The following PKD2 variants were observed in gnomAD, a reference collection of about 807,000 sequenced individuals.
PKD2 encodes polycystin-2.
A neutral mutation model predicts 105.9 loss-of-function variants in PKD2; 48 were observed. That is an observed-to-expected ratio of 0.45 (90% CI 0.36 to 0.58). PKD2 has a LOEUF of 0.58. PKD2 is among the 20% of genes least tolerant of loss of function. The pLI, the probability that PKD2 is intolerant of heterozygous loss-of-function variation, is 0.00. For missense variants in PKD2, 1,078 were observed against 1,255.3 expected, an observed-to-expected ratio of 0.86 and a Z score of 2.13; for synonymous variants, 464 against 481.1, an observed-to-expected ratio of 0.96 and a Z score of 0.46.
rs546545777 is a variant in PKD2, at chr4:88,016,442, C to G, written c.596-3016C>G. Reference sequence around the variant, plus strand: ...GAGTGTCACCAATTTGCACATGATTCCATCCTTAACCATTCTTATCCTATC... The same window carrying G: ...GAGTGTCACCAATTTGCACATGATTGCATCCTTAACCATTCTTATCCTATC... On this transcript the variant is annotated intron_variant, in intron 1 of 14. Transcript: ENST00000237596. 4.6e-5 allele frequency among the ~76,000 whole-genome samples: 7 copies of G among 152,250 alleles called. No homozygotes were observed. The South Asian group carries it at 1.5e-3, about 32-fold the overall frequency.
At chr4:88,019,434 C>T in intron 1 of PKD2, 24 bp from the exon 2 acceptor site, 1 of 1,154,894 alleles carries the variant, frequency 8.7e-7, no homozygotes, top group Non-Finnish European at 1.3e-6. Flanking sequence ...GATATCTTTT[C>T]TTTTCTTCAT....
chr4:88,026,979 G>A (rs1726981621), intron 2 of PKD2, among the ~76,000 whole-genome samples: 1 of 152,252 alleles, frequency 6.6e-6, no homozygotes, highest in South Asian at 2.1e-4. Context: ...TTCAGAGGAT[G>A]TATGGAAACA....
chr4:88,053,314 A>C (rs1021720983), intron 7 of PKD2, among the ~76,000 whole-genome samples: 2 of 152,118 alleles, frequency 1.3e-5, no homozygotes, highest in Non-Finnish European at 1.5e-5. Context: ...CTTACCCGTT[A>C]TGTACTTTTC....
intron 13 of PKD2, among the ~76,000 whole-genome samples, chr4:88,072,444 C>T (rs927974750): frequency 6.6e-6 from 1 of 152,204 alleles, no homozygotes; most frequent in Non-Finnish European, 1.5e-5. Flanking sequence ...TCTTTAATTT[C>T]CTCACGCTTC....
rs528531194 is a variant in PKD2, at chr4:88,062,446, C to T, written c.2118+442C>T. Reference sequence around the variant, plus strand: ...AAACACTTAGTAGTTCACCCTTTACCCTTGACCTTCCACGGCAGTTTTAAA... The same window carrying T: ...AAACACTTAGTAGTTCACCCTTTACTCTTGACCTTCCACGGCAGTTTTAAA... On this transcript the variant is annotated intron_variant, in intron 10 of 14. Coordinates refer to ENST00000237596, the MANE Select transcript of PKD2 (RefSeq NM_000297.4). Among the ~76,000 whole-genome samples, 5 of 152,232 alleles carry T rather than the reference C, an allele frequency of 3.3e-5. No homozygotes were observed. The South Asian group carries it at 1.0e-3, about 32-fold the overall frequency.
intron 11 of PKD2, 65 bp from the exon 12 acceptor site, chr4:88,065,697 C>A: frequency 7.8e-7 from 1 of 1,284,834 alleles, no homozygotes; most frequent in Non-Finnish European, 1.1e-6. Flanking sequence ...ATTTTGATGT[C>A]TCTGTGTTGA....
chr4:88,074,896 T>C lies in PKD2; in HGVS notation c.2607T>C (p.Ile869=). 2 of 1,614,096 alleles carry C rather than the reference T, an allele frequency of 1.2e-6. No homozygotes were observed. Residue 869 remains isoleucine, a synonymous_variant, in exon 14 of 15, where the codon ATT becomes ATC. Transcript: ENST00000237596. ...KIDAVIVKLE[I]MERAKLKRRE... ...ACGCCGTGATCGTGAAGCTAGAGAT[T>C]ATGGAGCGAGCCAAACTGAAGAGGA...
intron 2 of PKD2, among the ~76,000 whole-genome samples, chr4:88,031,217 C>A (rs909570138): frequency 2.0e-5 from 3 of 152,178 alleles, no homozygotes; most frequent in Non-Finnish European, 4.4e-5. Context: ...GTATTCTAAA[C>A]ATGTTTAAGG....
chr4:88,041,332 C>T (rs1727556794), intron 4 of PKD2, among the ~76,000 whole-genome samples: 1 of 152,142 alleles, frequency 6.6e-6, no homozygotes, highest in South Asian at 2.1e-4. Flanking sequence ...GGCCTCATTA[C>T]CTCTTGGTTA....
At position 88,056,238 on chromosome 4, in the gene PKD2, C is replaced by G. The variant is rs148228357; in HGVS notation, c.1869C>G (p.Val623=). 201 of 1,612,510 alleles carry G rather than the reference C, an allele frequency of 1.2e-4. No homozygotes were observed. The highest frequency in any genetic ancestry group is 1.6e-4 in the Non-Finnish European group (191 of 1,178,868). ...CATACCTTGTCTTTGGCACTCAGGTCGATGACTTCAGTACTTTCCAAGAGT... is the reference window on the plus strand; with the variant it reads ...CATACCTTGTCTTTGGCACTCAGGTGGATGACTTCAGTACTTTCCAAGAGT... The part of the protein sequence containing the change: ...QLAYLVFGTQ[V]DDFSTFQECI... The change falls in exon 8 of 15, where the codon GTC becomes GTG. Residue 623 remains valine, a synonymous_variant. Transcript: ENST00000237596.
intron 2 of PKD2, among the ~76,000 whole-genome samples, chr4:88,021,184 G>GT (rs1193493109): frequency 6.6e-6 from 1 of 152,184 alleles, no homozygotes; most frequent in Non-Finnish European, 1.5e-5. Context: ...ACCCCTGTAC[G>GT]TAAGTCTAGA....
rs766231566 is a variant in PKD2, at chr4:88,075,607, C to T, written c.2820C>T (p.Arg940=). 1 of 1,614,018 alleles carries T rather than the reference C, an allele frequency of 6.2e-7. No individual in the cohort carries two copies. Among genetic ancestry groups the T allele is most frequent in the Admixed American group, 1.7e-5 (1 of 59,998 alleles). ...CAGTGGGACTAAATGGTCAACCTCG[C>T]CCCAGAAGCTCCCGCCCATCTTCCT... ...GTPVGLNGQP[R]PRSSRPSSSQ... The change falls in exon 15 of 15, where the codon CGC becomes CGT. Residue 940 remains arginine (R), a synonymous_variant. Coordinates refer to ENST00000237596, the MANE Select transcript of PKD2 (RefSeq NM_000297.4).
chr4:88,021,412 G>A (rs1726742914), intron 2 of PKD2, among the ~76,000 whole-genome samples: 1 of 152,134 alleles, frequency 6.6e-6, no homozygotes, highest in African/African-American at 2.4e-5. Context: ...TGGTTTTCTT[G>A]TTTATTTGAG....
intron 4 of PKD2, 115 bp downstream of exon 4, chr4:88,038,616 G>A: frequency 9.3e-7 from 1 of 1,071,138 alleles, no homozygotes; most frequent in South Asian, 1.3e-5. Flanking sequence ...TAAGTTCAGT[G>A]ACTCTTCAGT....
Position 88,075,621 on chromosome 4 carries a change from G to T in PKD2, c.2834G>T (p.Arg945Leu), listed in dbSNP as rs757884381. Residue 945 changes from arginine to leucine, a missense_variant, in exon 15 of 15, where the codon CGC (arginine) becomes CTC (leucine). Around this residue, in one of 2 missense-constraint regions of PKD2, gnomAD observed 868 missense variants for 1,067.3 expected, o/e 0.81. Coordinates refer to ENST00000237596, the MANE Select transcript of PKD2 (RefSeq NM_000297.4). The part of the protein sequence containing the change: ...LNGQPRPRSS[R>L]PSSSQSTEGM... ...GGTCAACCTCGCCCCAGAAGCTCCC[G>T]CCCATCTTCCTCCCAATCTACAGAA... 4 of 1,614,100 alleles carry T rather than the reference G, an allele frequency of 2.5e-6. No homozygotes were observed. The highest frequency in any genetic ancestry group is 1.7e-5 in the Admixed American group (1 of 60,010).
chr4:88,008,355 G>A (rs1473521646), intron 1 of PKD2, 27 bp downstream of exon 1: 1 of 1,501,310 alleles, frequency 6.7e-7, no homozygotes, highest in Non-Finnish European at 8.8e-7. Flanking sequence ...CGCAGCGGCA[G>A]ATGCACGAAC....
chr4:88,030,004 A>T (rs2110098900), intron 2 of PKD2, among the ~76,000 whole-genome samples: 1 of 152,324 alleles, frequency 6.6e-6, no homozygotes, highest in East Asian at 1.9e-4. Context: ...TAAGTATGAA[A>T]GTGACAAGAT....
intron 10 of PKD2, among the ~76,000 whole-genome samples, chr4:88,062,930 A>G (rs963593391): frequency 6.6e-6 from 1 of 152,236 alleles, no homozygotes; most frequent in Admixed American, 6.5e-5. Flanking sequence ...ATTCTGATAC[A>G]CACAAACTTT....
chr4:88,063,540 AAAAGAAAAG>A (rs543718843), intron 10 of PKD2, among the ~76,000 whole-genome samples: 248 of 151,610 alleles, frequency 1.6e-3, no homozygotes, highest in African/African-American at 3.9e-3. Context: ...TCAAAAAAAA[AAAAGAAAAG>A]AAAAGAAAAG....
Sources: allele counts gnomAD v4.1 joint callset (sites outside exome capture counted in the v4.1 genomes callset), GRCh38; gene constraint gnomAD v4.1.1; regional missense constraint gnomAD v4.1.1; transcripts MANE v1.5; gene names NCBI Gene and HGNC (gene_info 2026-07-23, HGNC 2026-07-21).